Variants in ZNRF3 observed in about 807,000 individuals in gnomAD.
The protein encoded by ZNRF3 is E3 ubiquitin-protein ligase ZNRF3.
In ZNRF3, 23 loss-of-function variants were observed where a neutral mutation model predicts 72.5. The ratio of observed to expected loss-of-function variants is 0.32; its 90% CI spans 0.23 to 0.45. ZNRF3 has a LOEUF of 0.45. Ranked by LOEUF, ZNRF3 falls within the 20% of genes least tolerant of loss-of-function variation. The pLI is 1.00. For missense variants in ZNRF3, 1,169 were observed against 1,272.1 expected, an observed-to-expected ratio of 0.92 and a Z score of 1.23; for synonymous variants, 610 against 545.3, an observed-to-expected ratio of 1.12 and a Z score of -1.65.
intron 1 of ZNRF3, among the ~76,000 whole-genome samples, chr22:28,971,960 G>A (rs983421363): frequency 3.3e-5 from 5 of 151,994 alleles, no homozygotes; most frequent in African/African-American, 7.2e-5. Context: ...CCCTTGCTTC[G>A]GCCTCCCAAA....
intron 1 of ZNRF3, among the ~76,000 whole-genome samples, chr22:28,887,908 TAAAC>T (rs757691169): frequency 2.0e-4 from 31 of 152,210 alleles, no homozygotes; most frequent in Non-Finnish European, 4.3e-4. Flanking sequence ...GTGGATTGGT[TAAAC>T]AAAGAAAATT....
intron 2 of ZNRF3, among the ~76,000 whole-genome samples, chr22:28,988,100 A>G (rs2035888768): frequency 6.6e-6 from 1 of 152,200 alleles, no homozygotes; most frequent in Non-Finnish European, 1.5e-5. Flanking sequence ...ACCTGTTTTA[A>G]ACTGGATTTT....
At chr22:28,897,599 C>T (rs756715218) in intron 1 of ZNRF3, among the ~76,000 whole-genome samples, 1 of 152,236 alleles carries the variant, frequency 6.6e-6, no homozygotes. Flanking sequence ...GGATTACTGG[C>T]GTGAGCCACC....
At chr22:29,029,449 T>C (rs1219473291) in intron 2 of ZNRF3, among the ~76,000 whole-genome samples, 1 of 152,186 alleles carries the variant, frequency 6.6e-6, no homozygotes, top group Non-Finnish European at 1.5e-5. Flanking sequence ...TTGTAAGTAG[T>C]CCCAGTGCAT....
At chr22:28,911,554 T>C (rs1036593731) in intron 1 of ZNRF3, among the ~76,000 whole-genome samples, 7 of 152,200 alleles carry the variant, frequency 4.6e-5, no homozygotes, top group African/African-American at 1.7e-4. Flanking sequence ...GATAAATAAA[T>C]CACATGCCAA....
chr22:29,020,263 TTTTTTTTTTTC>T (rs893613969), intron 2 of ZNRF3, among the ~76,000 whole-genome samples: 12 of 142,654 alleles, frequency 8.4e-5, no homozygotes, highest in African/African-American at 3.1e-4. Flanking sequence ...TTTTTTTTTT[TTTTTTTTTTTC>T]CCCCAAGACA....
At chr22:29,035,325 A>G (rs1338307661) in intron 2 of ZNRF3, among the ~76,000 whole-genome samples, 1 of 152,226 alleles carries the variant, frequency 6.6e-6, no homozygotes, top group Non-Finnish European at 1.5e-5. Context: ...CCTCCAGAAT[A>G]TGAGTACAAG....
Position 29,049,430 on chromosome 22 carries a change from C to T in ZNRF3, c.1249C>T (p.Arg417Cys), listed in dbSNP as rs906644164. ...TTCCCCGCAGACCCCCGCCTACATCCGCAGCTACCCACCCCTCCACCTGGA... is the reference window on the plus strand; with the variant it reads ...TTCCCCGCAGACCCCCGCCTACATCTGCAGCTACCCACCCCTCCACCTGGA... ...LYSPQTPAYIRSYPPLHLDHS... is the reference protein window; with the variant it reads ...LYSPQTPAYICSYPPLHLDHS... The change falls in exon 8 of 9, where the codon CGC becomes TGC. Residue 417 changes from arginine (R) to cysteine (C), a missense_variant. By Grantham distance (180) the Arg-to-Cys change is radical. Transcript: ENST00000544604. The surrounding 1 kb of genome is among the most constrained non-coding windows in gnomAD (Gnocchi z 5.2). 2 of 1,606,486 alleles carry T rather than the reference C, an allele frequency of 1.2e-6. No individual in the cohort carries two copies. The highest frequency in any genetic ancestry group is 1.7e-5 in the Admixed American group (1 of 59,930).
Position 29,012,935 on chromosome 22 carries a change from G to A in ZNRF3, c.426+25734G>A, listed in dbSNP as rs185022434. On this transcript the variant is annotated intron_variant, in intron 2 of 8. Coordinates refer to ENST00000544604, the MANE Select transcript of ZNRF3 (RefSeq NM_001206998.2). ...AGCTACAGACATCAGCCATGGCTCC[G>A]TCCCAGGTTAGCTCCAGACCTCCTG... is the stretch of plus-strand genomic sequence containing the variant. Among the ~76,000 whole-genome samples the A allele has an allele frequency of 2.2e-3, 342 of 152,312 alleles. 1 individual carries two copies. Among genetic ancestry groups the A allele is most frequent in the Non-Finnish European group, 3.3e-3 (225 of 68,026 alleles).
At chr22:29,032,920 G>A (rs1200174929) in intron 2 of ZNRF3, among the ~76,000 whole-genome samples, 2 of 152,328 alleles carry the variant, frequency 1.3e-5, no homozygotes, top group Admixed American at 1.3e-4. Flanking sequence ...CAGCCTGAGG[G>A]AATAATACCT....
At chr22:29,043,069 GGT>G (rs2036997740) in intron 3 of ZNRF3, among the ~76,000 whole-genome samples, 1 of 152,118 alleles carries the variant, frequency 6.6e-6, no homozygotes, top group Non-Finnish European at 1.5e-5. Flanking sequence ...CACTGCACCG[GGT>G]TCAGGGGGCA....
intron 2 of ZNRF3, among the ~76,000 whole-genome samples, chr22:28,999,105 G>T (rs1046650990): frequency 6.7e-6 from 1 of 150,224 alleles, no homozygotes; most frequent in Non-Finnish European, 1.5e-5. Context: ...ATCACTTGAG[G>T]TCAGGAGTTT....
intron 1 of ZNRF3, among the ~76,000 whole-genome samples, chr22:28,980,547 A>G (rs2035747529): frequency 1.3e-5 from 2 of 152,190 alleles, no homozygotes; most frequent in Admixed American, 1.3e-4. Context: ...GTTTCATAAT[A>G]ATGTCAAACT....
chr22:28,898,933 T>G (rs1234870092), intron 1 of ZNRF3, among the ~76,000 whole-genome samples: 1 of 148,708 alleles, frequency 6.7e-6, no homozygotes, highest in African/African-American at 2.6e-5. Flanking sequence ...GAGGTTTTTT[T>G]TTTTTTTTTT....
chr22:28,900,207 A>G (rs962462123), intron 1 of ZNRF3, among the ~76,000 whole-genome samples: 13 of 152,110 alleles, frequency 8.5e-5, no homozygotes, highest in Admixed American at 2.0e-4. Flanking sequence ...CTCCTTATTT[A>G]TATTCCTCAC....
At chr22:28,904,070 ATCTAG>A (rs1329265676) in intron 1 of ZNRF3, among the ~76,000 whole-genome samples, 1 of 151,900 alleles carries the variant, frequency 6.6e-6, no homozygotes, top group African/African-American at 2.4e-5. Flanking sequence ...GCTTGTTCTT[ATCTAG>A]TCTAAACTGG....
At chr22:29,052,268 A>G (rs186283869) in intron 8 of ZNRF3, among the ~76,000 whole-genome samples, 3 of 152,306 alleles carry the variant, frequency 2.0e-5, no homozygotes, top group South Asian at 2.1e-4. Context: ...GACAGAGGCA[A>G]TAACCTCTGA....
intron 1 of ZNRF3, among the ~76,000 whole-genome samples, chr22:28,965,382 C>T (rs1237979888): frequency 6.6e-6 from 1 of 152,198 alleles, no homozygotes; most frequent in South Asian, 2.1e-4. Context: ...ACCCTTACAA[C>T]TACCTTTGAA....
intron 2 of ZNRF3, among the ~76,000 whole-genome samples, chr22:29,035,069 C>A (rs1430527502): frequency 6.7e-6 from 1 of 148,322 alleles, no homozygotes; most frequent in Non-Finnish European, 1.5e-5. Flanking sequence ...GTCTCAAACT[C>A]CTGGCCTCAA....
Sources: gnomAD v4.1 joint callset for allele counts (sites outside exome capture counted in the v4.1 genomes callset) on GRCh38, gnomAD v4.1.1 for gene constraint, Gnocchi (gnomAD v3.1) non-coding constraint, MANE v1.5 for transcripts, NCBI Gene and HGNC (gene_info 2026-07-23, HGNC 2026-07-21) for gene names.